Variants in HPCAL1 observed in about 807,000 individuals in gnomAD.
HPCAL1 encodes the protein hippocalcin like 1.
HPCAL1 carries 8 observed loss-of-function variants against 17.1 expected under a neutral mutation model. The observed-to-expected ratio is 0.47, with a 90% CI of 0.27 to 0.84. The LOEUF is 0.84. HPCAL1 is among the 40% of genes least tolerant of loss of function. The probability of loss-of-function intolerance (pLI) is 0.13; values close to 1 mark genes in which losing one functional copy is unlikely to be tolerated. For missense variants in HPCAL1, 165 were observed against 271.1 expected (o/e 0.61, Z 2.75); for synonymous variants, 112 against 111.4 (o/e 1.01, Z -0.03).
chr2:10,364,560 G>A (rs968350149), intron 1 of HPCAL1, among the ~76,000 whole-genome samples: 2 of 151,974 alleles, frequency 1.3e-5, no homozygotes, highest in Admixed American at 6.6e-5. Context: ...CGGCCCTGAC[G>A]GCCTCCTCTC....
At chr2:10,352,229 A>G (rs902987627) in intron 1 of HPCAL1, among the ~76,000 whole-genome samples, 11 of 152,084 alleles carry the variant, frequency 7.2e-5, no homozygotes, top group African/African-American at 2.7e-4. Context: ...TGTGAACCGC[A>G]AGTGTTCTGC....
rs543129417 is a variant in HPCAL1, at chr2:10,384,789, T to C, written c.-110-12046T>C. 6.6e-6 allele frequency among the ~76,000 whole-genome samples: 1 copy of C among 152,036 alleles called. No individual in the cohort carries two copies. Among genetic ancestry groups the C allele is most frequent in the African/African-American group, 2.4e-5 (1 of 41,410 alleles). On this transcript the variant is annotated intron_variant, in intron 1 of 4. Coordinates refer to ENST00000307845, the MANE Select transcript of HPCAL1 (RefSeq NM_002149.4). This position sits in a 1 kb window ranked among gnomAD's most constrained non-coding sequence, Gnocchi z 4.4. Reference sequence around the variant, plus strand: ...AAGACTTCTCTTTCTGATTGTGAAGTGAGCTGAGCAGACTGAAATCAAAGA... The same window carrying C: ...AAGACTTCTCTTTCTGATTGTGAAGCGAGCTGAGCAGACTGAAATCAAAGA...
At position 10,377,276 on chromosome 2, in the gene HPCAL1, G is replaced by T. The variant is rs911407928; in HGVS notation, c.-110-19559G>T. On this transcript the variant is annotated intron_variant, in intron 1 of 4. Transcript: ENST00000307845. The surrounding 1 kb of genome is among the most constrained non-coding windows in gnomAD (Gnocchi z 5.9). ...AGGTGGAAGGCGGCTGAGTGGAGCCGCAGCAAATGCAACCCTGCCCCCGAG... is the reference window on the plus strand; with the variant it reads ...AGGTGGAAGGCGGCTGAGTGGAGCCTCAGCAAATGCAACCCTGCCCCCGAG... Among the ~76,000 whole-genome samples the T allele has an allele frequency of 6.6e-6, 1 of 152,140 alleles. No individual in the cohort carries two copies. Among genetic ancestry groups the T allele is most frequent in the Admixed American group, 6.5e-5 (1 of 15,284 alleles).
In HPCAL1 at chr2:10,303,125, G is replaced by C. The variant is rs939244000; in HGVS notation, c.-163G>C. ...GCCCGGGCCCGCTGCAGCCGCCGCC[G>C]GCGCCGAACTTGGGCTCGGGAAGCC... On this transcript the variant is annotated 5_prime_UTR_variant, in exon 1 of 5. Transcript: ENST00000307845. 1.3e-5 allele frequency: 2 copies of C among 151,948 alleles called. No homozygotes were observed. Among genetic ancestry groups the C allele is most frequent in the Non-Finnish European group, 2.9e-5 (2 of 67,970 alleles). 9.4% of individuals were successfully genotyped at this position (151,948 alleles called of 1,614,324 possible). A position where few individuals can be genotyped will look rare whatever the true frequency, so the allele number is the denominator to read the frequency against.
In HPCAL1 at chr2:10,331,402, C is replaced by T. The variant is rs1445306783; in HGVS notation, c.-111+28225C>T. 6.6e-6 allele frequency among the ~76,000 whole-genome samples: 1 copy of T among 152,202 alleles called. No individual in the cohort carries two copies. Among genetic ancestry groups the T allele is most frequent in the Non-Finnish European group, 1.5e-5 (1 of 68,028 alleles). On this transcript the variant is annotated intron_variant, in intron 1 of 4. Transcript: ENST00000307845. This position sits in a 1 kb window ranked among gnomAD's most constrained non-coding sequence, Gnocchi z 5.0. ...TCTCCCCGGGGAGCTCGGAGTTCTGCAGGCACGGGGCTGGCTCCTTTCTTC... is the reference window on the plus strand; with the variant it reads ...TCTCCCCGGGGAGCTCGGAGTTCTGTAGGCACGGGGCTGGCTCCTTTCTTC...
intron 1 of HPCAL1, among the ~76,000 whole-genome samples, chr2:10,391,187 C>G (rs1282632673): frequency 1.3e-5 from 2 of 152,094 alleles, no homozygotes; most frequent in Admixed American, 6.5e-5. Flanking sequence ...AGCTCAGCTC[C>G]AGCACCTTCC....
intron 2 of HPCAL1, among the ~76,000 whole-genome samples, chr2:10,409,083 TG>T (rs1572843192): frequency 2.0e-5 from 3 of 152,238 alleles, no homozygotes; most frequent in Non-Finnish European, 2.9e-5. Flanking sequence ...TATTTTATGT[TG>T]TTTTTTTTCA....
At chr2:10,405,711 C>T (rs1051777053) in intron 2 of HPCAL1, among the ~76,000 whole-genome samples, 7 of 152,232 alleles carry the variant, frequency 4.6e-5, no homozygotes, top group African/African-American at 1.7e-4. Context: ...TGCCAAATCA[C>T]CAGGCGTCAT....
intron 1 of HPCAL1, among the ~76,000 whole-genome samples, chr2:10,356,237 G>A (rs546017675): frequency 6.6e-6 from 1 of 152,150 alleles, no homozygotes; most frequent in African/African-American, 2.4e-5. Context: ...CCTCCCGCTC[G>A]CCTGGAAGAG....
chr2:10,399,017 C>A (rs974751952), intron 2 of HPCAL1, among the ~76,000 whole-genome samples: 2 of 151,878 alleles, frequency 1.3e-5, no homozygotes, highest in Non-Finnish European at 2.9e-5. Flanking sequence ...TGTCCTGGCC[C>A]GAGGCCACTG....
intron 1 of HPCAL1, among the ~76,000 whole-genome samples, chr2:10,337,945 A>T (rs987485643): frequency 6.6e-6 from 1 of 152,178 alleles, no homozygotes; most frequent in Non-Finnish European, 1.5e-5. Context: ...GGTATCACTG[A>T]CTATCACTGG....
chr2:10,359,354 C>T lies in HPCAL1; in HGVS notation c.-110-37481C>T, dbSNP rs1009217895. Among the ~76,000 whole-genome samples the T allele has an allele frequency of 6.6e-6, 1 of 152,196 alleles. No homozygotes were observed. Among genetic ancestry groups the T allele is most frequent in the African/African-American group, 2.4e-5 (1 of 41,448 alleles). On this transcript the variant is annotated intron_variant, in intron 1 of 4. Transcript: ENST00000307845. This position sits in a 1 kb window ranked among gnomAD's most constrained non-coding sequence, Gnocchi z 4.1. Reference sequence around the variant, plus strand: ...TTAGTGGCTCCGTGTCACCTGGTTCCTCTCACCTCTGTTTTCCCTTCTAGC... The same window carrying T: ...TTAGTGGCTCCGTGTCACCTGGTTCTTCTCACCTCTGTTTTCCCTTCTAGC...
intron 1 of HPCAL1, among the ~76,000 whole-genome samples, chr2:10,376,768 T>C (rs950526147): frequency 3.3e-5 from 5 of 152,146 alleles, no homozygotes; most frequent in East Asian, 1.9e-4. Flanking sequence ...AAAATGCATA[T>C]TTTATTTAAG....
intron 2 of HPCAL1, among the ~76,000 whole-genome samples, chr2:10,397,369 A>G (rs1338095137): frequency 2.0e-5 from 3 of 152,170 alleles, no homozygotes; most frequent in South Asian, 4.1e-4. Flanking sequence ...GCTCCTGTGC[A>G]TGGTCAGGGC....
chr2:10,308,007 G>A (rs1192546569), intron 1 of HPCAL1, among the ~76,000 whole-genome samples: 2 of 152,172 alleles, frequency 1.3e-5, no homozygotes, highest in South Asian at 2.1e-4. Flanking sequence ...CCCTACCTGT[G>A]CAGAGTTTAA....
intron 1 of HPCAL1, among the ~76,000 whole-genome samples, chr2:10,314,868 AT>A (rs1422240947): frequency 1.7e-4 from 26 of 152,350 alleles, no homozygotes; most frequent in East Asian, 1.5e-3. Context: ...AAATTAGCAC[AT>A]TAGCGGTAAT....
rs1368331762 is a variant in HPCAL1, at chr2:10,331,718, C to T, written c.-111+28541C>T. On this transcript the variant is annotated intron_variant, in intron 1 of 4. Coordinates refer to ENST00000307845, the MANE Select transcript of HPCAL1 (RefSeq NM_002149.4). This position sits in a 1 kb window ranked among gnomAD's most constrained non-coding sequence, Gnocchi z 5.0. ...CCCCCGCATGCATCTTTCTCCCCGT[C>T]TGGCATGGTGTTTCTAGTCTTTTGT... 2.6e-5 allele frequency among the ~76,000 whole-genome samples: 4 copies of T among 152,226 alleles called. No homozygotes were observed. The highest frequency in any genetic ancestry group is 2.6e-4 in the Admixed American group (4 of 15,286).
chr2:10,426,969 C>T lies in HPCAL1; in HGVS notation c.*148C>T, dbSNP rs1435070880. 6 of 664,618 alleles carry T rather than the reference C, an allele frequency of 9.0e-6. No individual in the cohort carries two copies. The highest frequency in any genetic ancestry group is 3.6e-5 in the African/African-American group (2 of 55,758). 41.2% of individuals were successfully genotyped at this position (664,618 alleles called of 1,614,324 possible). On this transcript the variant is annotated 3_prime_UTR_variant, in exon 5 of 5. Transcript: ENST00000307845. ...TTGCACCTGCCCAGCCCGGTGGCTG[C>T]GCCTCCCTCCTCCACCTGACCAACG...
intron 1 of HPCAL1, among the ~76,000 whole-genome samples, chr2:10,307,257 T>A (rs1662685239): frequency 6.6e-6 from 1 of 152,210 alleles, no homozygotes; most frequent in African/African-American, 2.4e-5. Flanking sequence ...TGGTGCGTGG[T>A]TCTCCTCTTG....
Sources: gnomAD v4.1 joint callset for allele counts (sites outside exome capture counted in the v4.1 genomes callset) on GRCh38, gnomAD v4.1.1 for gene constraint, Gnocchi (gnomAD v3.1) non-coding constraint, MANE v1.5 for transcripts, NCBI Gene and HGNC (gene_info 2026-07-23, HGNC 2026-07-21) for gene names.